The following GTF2F2 variants were observed in gnomAD, a reference collection of about 807,000 sequenced individuals.
GTF2F2 encodes general transcription factor IIF subunit 2, also known as ATP-dependent helicase GTF2F2.
Under a neutral mutation model 42.2 loss-of-function variants are expected in GTF2F2, and 23 were observed. The ratio of observed to expected loss-of-function variants is 0.55; its 90% CI spans 0.39 to 0.77. GTF2F2 has a LOEUF of 0.77. Among genes scored for constraint, GTF2F2 ranks in the 30% least tolerant of loss-of-function variants. The pLI is 0.00. For missense variants in GTF2F2, 261 were observed against 287.2 expected (o/e 0.91, Z 0.66); for synonymous variants, 105 against 100.8 (o/e 1.04, Z -0.25).
chr13:45,259,088 GT>G (rs990797168), intron 6 of GTF2F2, among the ~76,000 whole-genome samples: 1 of 152,152 alleles, frequency 6.6e-6, no homozygotes, highest in Non-Finnish European at 1.5e-5. Flanking sequence ...CTAGACATTT[GT>G]TTTCGGTGTT....
intron 6 of GTF2F2, among the ~76,000 whole-genome samples, chr13:45,262,083 T>A (rs868263593): frequency 1.3e-5 from 2 of 151,990 alleles, no homozygotes; most frequent in Admixed American, 6.6e-5. Context: ...AAAAAAAAAA[T>A]TTAACTGGCT....
intron 4 of GTF2F2, among the ~76,000 whole-genome samples, chr13:45,175,564 A>G (rs185116501): frequency 3.3e-5 from 5 of 152,300 alleles, no homozygotes; most frequent in African/African-American, 1.2e-4. Context: ...CAGCATCAGT[A>G]TCTGTATCCA....
chr13:45,259,647 CTTTTTTTTTTTT>C lies in GTF2F2; in HGVS notation c.486+6692_486+6703del, dbSNP rs1172870085. Among the ~76,000 whole-genome samples the C allele has an allele frequency of 2.1e-4, 15 of 72,226 alleles. No individual in the cohort carries two copies. The South Asian group carries it at 2.4e-3, about 12-fold the overall frequency. The allele number at this position is 72,226 out of a possible 152,430, so 47.4% of individuals were successfully genotyped here. A position where few individuals can be genotyped will look rare whatever the true frequency, so the allele number is the denominator to read the frequency against. On this transcript the variant is annotated intron_variant, in intron 6 of 7. Coordinates refer to ENST00000340473, the MANE Select transcript of GTF2F2 (RefSeq NM_004128.3). ...AAACCTCTTTCTCGCAAACCTAGAA[CTTTTTTTTTTTT>C]TTTTTTTTTTTTTTGTGAGACAGAG... is the stretch of plus-strand genomic sequence containing the variant.
intron 2 of GTF2F2, among the ~76,000 whole-genome samples, chr13:45,141,971 C>G (rs1869948359): frequency 6.6e-6 from 1 of 152,182 alleles, no homozygotes; most frequent in Admixed American, 6.5e-5. Flanking sequence ...TTGTTGTTCT[C>G]TCTTGTATGT....
chr13:45,277,503 A>G (rs547906047), intron 7 of GTF2F2, among the ~76,000 whole-genome samples: 1 of 152,322 alleles, frequency 6.6e-6, no homozygotes, highest in African/African-American at 2.4e-5. Flanking sequence ...CCCATGATCC[A>G]ATCACCTCTC....
At chr13:45,239,523 C>T (rs913180439) in intron 5 of GTF2F2, among the ~76,000 whole-genome samples, 13 of 152,152 alleles carry the variant, frequency 8.5e-5, no homozygotes, top group African/African-American at 3.1e-4. Flanking sequence ...AAAAAGACTC[C>T]ATTAGTCTGT....
intron 4 of GTF2F2, among the ~76,000 whole-genome samples, chr13:45,168,152 G>A (rs1330295984): frequency 6.6e-6 from 1 of 152,210 alleles, no homozygotes; most frequent in East Asian, 1.9e-4. Context: ...TCTAGGTGAA[G>A]GCTGATGTGT....
chr13:45,179,878 G>C (rs1238868583), intron 4 of GTF2F2, among the ~76,000 whole-genome samples: 1 of 152,122 alleles, frequency 6.6e-6, no homozygotes, highest in African/African-American at 2.4e-5. Context: ...AGAACTGAAG[G>C]AATTTCTTAA....
At chr13:45,266,513 A>T (rs934133244) in intron 6 of GTF2F2, among the ~76,000 whole-genome samples, 1 of 152,172 alleles carries the variant, frequency 6.6e-6, no homozygotes. Context: ...CAAGAACCCC[A>T]CATTTGAAAG....
chr13:45,265,189 G>A (rs750001818), intron 6 of GTF2F2, among the ~76,000 whole-genome samples: 13 of 151,858 alleles, frequency 8.6e-5, no homozygotes, highest in African/African-American at 3.1e-4. Context: ...AACCCAGGAG[G>A]TGGAGGTTGT....
rs144180658 is a variant in GTF2F2 at position 45,128,923 on chromosome 13, T to A, written c.67-7810T>A. Among the ~76,000 whole-genome samples, 3 of 152,204 alleles carry A rather than the reference T, an allele frequency of 2.0e-5. No homozygotes were observed. In the East Asian group the frequency reaches 5.8e-4, roughly 30 times the overall value. On this transcript the variant is annotated intron_variant, in intron 1 of 7. Transcript: ENST00000340473. ...TTTTTAAGTTGGCAGTTGCTTGTAT[T>A]AGGTATAATTTGTTGTACTGAATTT...
intron 1 of GTF2F2, chr13:45,123,946 A>T: frequency 1.7e-6 from 1 of 597,088 alleles, no homozygotes; most frequent in South Asian, 1.9e-5. Context: ...TATGGCAGGG[A>T]CTCCCCAGCA....
intron 5 of GTF2F2, among the ~76,000 whole-genome samples, chr13:45,215,852 T>C (rs142571076): frequency 1.4e-3 from 206 of 152,164 alleles, no homozygotes; most frequent in Non-Finnish European, 2.4e-3. Context: ...TGAAGAGCCA[T>C]AGCAGCTGTC....
chr13:45,164,941 T>C (rs1871203926), intron 4 of GTF2F2, among the ~76,000 whole-genome samples: 1 of 152,190 alleles, frequency 6.6e-6, no homozygotes, highest in South Asian at 2.1e-4. Context: ...CTCATAACTA[T>C]TTGTTTGGAA....
intron 1 of GTF2F2, among the ~76,000 whole-genome samples, chr13:45,131,371 A>G (rs1183761035): frequency 6.6e-6 from 1 of 152,216 alleles, no homozygotes; most frequent in Non-Finnish European, 1.5e-5. Context: ...GATTACTCAG[A>G]TGCCAAGTGA....
intron 4 of GTF2F2, among the ~76,000 whole-genome samples, chr13:45,180,202 T>G (rs1872082240): frequency 6.6e-6 from 1 of 152,196 alleles, no homozygotes; most frequent in Non-Finnish European, 1.5e-5. Flanking sequence ...TAAATAAGTT[T>G]GTACTTTCTT....
chr13:45,154,242 AT>A (rs1404200366), intron 4 of GTF2F2, among the ~76,000 whole-genome samples: 1 of 152,100 alleles, frequency 6.6e-6, no homozygotes, highest in Non-Finnish European at 1.5e-5. Flanking sequence ...TAAGTGACTA[AT>A]TTTTTGAAAG....
intron 4 of GTF2F2, among the ~76,000 whole-genome samples, chr13:45,162,711 A>G (rs1871096871): frequency 6.6e-6 from 1 of 152,246 alleles, no homozygotes; most frequent in African/African-American, 2.4e-5. Flanking sequence ...GAGGAGGATT[A>G]AAAGAAACCG....
intron 5 of GTF2F2, among the ~76,000 whole-genome samples, chr13:45,225,473 G>A (rs1874298216): frequency 6.6e-6 from 1 of 151,626 alleles, no homozygotes; most frequent in Non-Finnish European, 1.5e-5. Flanking sequence ...CCTGTTGGCC[G>A]GGCATCATGG....
Sources: gnomAD v4.1 joint callset for allele counts (sites outside exome capture counted in the v4.1 genomes callset) on GRCh38, gnomAD v4.1.1 for gene constraint, MANE v1.5 for transcripts, NCBI Gene and HGNC (gene_info 2026-07-23, HGNC 2026-07-21) for gene names.